Variants in GALNS observed in about 807,000 individuals in gnomAD.
GALNS encodes N-acetylgalactosamine-6-sulfatase.
A neutral mutation model predicts 65.9 loss-of-function variants in GALNS; 65 were observed. The observed-to-expected ratio is 0.99, with a 90% CI of 0.81 to 1.21. The LOEUF (loss-of-function observed/expected upper bound fraction) is 1.21, where lower values mean the gene tolerates loss of function less well. GALNS is among the 50% of genes most tolerant of loss of function. The pLI is 0.00. For synonymous variants in GALNS, 346 were observed against 288.9 expected (o/e 1.20, Z -2.00); for missense variants, 776 against 700.7 (o/e 1.11, Z -1.21).
chr16:88,827,923 G>T (rs1911099619), intron 9 of GALNS, among the ~76,000 whole-genome samples: 2 of 152,228 alleles, frequency 1.3e-5, no homozygotes, highest in Non-Finnish European at 2.9e-5. Context: ...CGGTCCAGGG[G>T]CACCCTCGCC....
chr16:88,851,491 A>G (rs1487073683), intron 1 of GALNS, among the ~76,000 whole-genome samples: 1 of 152,144 alleles, frequency 6.6e-6, no homozygotes. Flanking sequence ...TGCCTGGTTC[A>G]TCCTACTGGG....
In GALNS at chr16:88,836,195, C is replaced by T. The variant is rs1912124102; in HGVS notation, c.633+6G>A. 1 of 1,612,978 alleles carries T rather than the reference C, an allele frequency of 6.2e-7. No homozygotes were observed. Among genetic ancestry groups the T allele is most frequent in the South Asian group, 1.1e-5 (1 of 91,038 alleles). On this transcript the variant is annotated splice_donor_region_variant and intron_variant, in intron 6 of 13. Transcript: ENST00000268695. ...CACAGGGCGAGGATGGTGCGGTCCC[C>T]ATCACCTGCAGGTAGATCTGGGTGA...
chr16:88,836,985 G>A (rs761048897), intron 5 of GALNS, among the ~76,000 whole-genome samples: 14 of 152,250 alleles, frequency 9.2e-5, no homozygotes, highest in African/African-American at 2.4e-4. Context: ...TGGGGGCTGC[G>A]TGGTGCGACT....
chr16:88,840,789 A>G, intron 4 of GALNS: 1 of 616,894 alleles, frequency 1.6e-6, no homozygotes. Flanking sequence ...CCGTGGGACC[A>G]GCCTGGTGAC....
intron 1 of GALNS, among the ~76,000 whole-genome samples, chr16:88,847,368 T>C (rs1328714090): frequency 6.6e-6 from 1 of 151,852 alleles, no homozygotes; most frequent in Non-Finnish European, 1.5e-5. Flanking sequence ...GAGAACCCTG[T>C]CTCAAAAAAA....
rs749077864 is a variant in GALNS, at chr16:88,835,820, T to A, written c.663A>T (p.Ala221=). The A allele has an allele frequency of 3.1e-6, 5 of 1,614,136 alleles. No homozygotes were observed. In the Admixed American group the frequency reaches 8.3e-5, roughly 27 times the overall value. ...QEALDFIKRQ[A]RHHPFFLYWA... ...AGTAGAGGAAAAAGGGGTGGTGCCG[T>A]GCCTGTCTCTTAATGAAGTCCAGGG... The change falls in exon 7 of 14, where the codon GCA becomes GCT. Residue 221 remains alanine (A), a synonymous_variant. Transcript: ENST00000268695.
chr16:88,846,952 A>G (rs908857656), intron 1 of GALNS, among the ~76,000 whole-genome samples: 2 of 152,052 alleles, frequency 1.3e-5, no homozygotes, highest in African/African-American at 4.8e-5. Flanking sequence ...ACTTAGTGTG[A>G]ACAGACATTC....
At chr16:88,829,951 C>A (rs1459199863) in intron 9 of GALNS, among the ~76,000 whole-genome samples, 1 of 152,102 alleles carries the variant, frequency 6.6e-6, no homozygotes, top group Non-Finnish European at 1.5e-5. Flanking sequence ...GTGGAACAGG[C>A]GCCGGGCGCG....
chr16:88,856,297 G>T (rs969323431), intron 1 of GALNS: 29 of 702,748 alleles, frequency 4.1e-5, no homozygotes, highest in Non-Finnish European at 6.8e-5. Context: ...TGGCGGGAGT[G>T]ATTCCTAGGG....
chr16:88,838,073 G>A (rs574726776), intron 4 of GALNS, among the ~76,000 whole-genome samples: 1 of 152,168 alleles, frequency 6.6e-6, no homozygotes, highest in African/African-American at 2.4e-5. Flanking sequence ...CCTGGAACCC[G>A]CCTGACATGC....
At chr16:88,849,032 G>A (rs1382140709) in intron 1 of GALNS, among the ~76,000 whole-genome samples, 1 of 152,236 alleles carries the variant, frequency 6.6e-6, no homozygotes, top group Non-Finnish European at 1.5e-5. Flanking sequence ...AGCTGGGCCA[G>A]GTCTGGGCTT....
chr16:88,824,990 T>C, intron 10 of GALNS, 121 bp from the exon 11 acceptor site: 2 of 781,212 alleles, frequency 2.6e-6, no homozygotes, highest in South Asian at 3.0e-5. Context: ...TGGTTGATAC[T>C]TTACAAAGAT....
chr16:88,847,076 G>T (rs1967278860), intron 1 of GALNS, among the ~76,000 whole-genome samples: 1 of 152,168 alleles, frequency 6.6e-6, no homozygotes, highest in African/African-American at 2.4e-5. Flanking sequence ...AAGCCTTCAG[G>T]AGGAACGCAA....
intron 5 of GALNS, among the ~76,000 whole-genome samples, chr16:88,837,043 C>T (rs1912213362): frequency 6.6e-6 from 1 of 152,254 alleles, no homozygotes; most frequent in Non-Finnish European, 1.5e-5. Context: ...CAAGCTGGTG[C>T]TGCTTCTGGT....
At chr16:88,815,025 G>A (rs570847912) in intron 13 of GALNS, 3 of 985,214 alleles carry the variant, frequency 3.0e-6, no homozygotes, top group African/African-American at 1.7e-5. Context: ...GAGCCACCGC[G>A]CTTGGCCTCG....
At chr16:88,843,582 G>A (rs905214894) in intron 1 of GALNS, 7 of 218,690 alleles carry the variant, frequency 3.2e-5, no homozygotes, top group East Asian at 1.1e-4. Context: ...CCTTAGAGAC[G>A]CAGACATGCA....
rs1273463889 is a variant in GALNS at position 88,818,028 on chromosome 16, G to A, written c.1461C>T (p.Asn487=). ...EALVPAQPQL[N]VCNWAVMNWA... is the part of the protein sequence containing the mutation. Reference sequence around the variant, plus strand: ...TTACCATGACCGCCCAGTTGCACACGTTGAGCTGGGGCTGCGCGGGGACCA... The same window carrying A: ...TTACCATGACCGCCCAGTTGCACACATTGAGCTGGGGCTGCGCGGGGACCA... Residue 487 remains asparagine, a synonymous_variant, in exon 13 of 14, where the codon AAC becomes AAT. Transcript: ENST00000268695. The A allele has an allele frequency of 1.3e-5, 21 of 1,582,880 alleles. No individual in the cohort carries two copies. The highest frequency in any genetic ancestry group is 5.7e-5 in the South Asian group (5 of 87,182).
rs754303894 is a variant in GALNS, at chr16:88,835,404, G to A, written c.759-52C>T. 12 of 1,607,488 alleles carry A rather than the reference G, an allele frequency of 7.5e-6. No individual in the cohort carries two copies. The South Asian group carries it at 1.3e-4, about 18-fold the overall frequency. On this transcript the variant is annotated intron_variant, in intron 7 of 13. Transcript: ENST00000268695. ...CCATACCTGGAGGATGGTGACAAAT[G>A]GATCAGGCAGCCAACGGCATACTGT...
intron 12 of GALNS, among the ~76,000 whole-genome samples, chr16:88,819,065 C>G (rs1019698970): frequency 6.6e-6 from 1 of 152,256 alleles, no homozygotes; most frequent in Non-Finnish European, 1.5e-5. Context: ...CCCACTGAAG[C>G]CCAGTCTTCT....
Sources: allele counts gnomAD v4.1 joint callset (sites outside exome capture counted in the v4.1 genomes callset), GRCh38; gene constraint gnomAD v4.1.1; transcripts MANE v1.5; gene names NCBI Gene and HGNC (gene_info 2026-07-23, HGNC 2026-07-21).